CYP7B1: variants seen among roughly 807,000 people sequenced by gnomAD.
CYP7B1 encodes the protein cytochrome P450 family 7 subfamily B member 1, also known as cytochrome P450 7B1.
Under a neutral mutation model 42.7 loss-of-function variants are expected in CYP7B1, and 29 were observed. That is an observed-to-expected ratio of 0.68 (90% CI 0.51 to 0.93). The LOEUF is 0.93. CYP7B1 is among the 40% of genes least tolerant of loss of function. The probability of loss-of-function intolerance (pLI) is 0.00; values close to 1 mark genes in which losing one functional copy is unlikely to be tolerated. For missense variants in CYP7B1, 655 were observed against 600.5 expected, an observed-to-expected ratio of 1.09 and a Z score of -0.95; for synonymous variants, 235 against 218.2, an observed-to-expected ratio of 1.08 and a Z score of -0.68.
downstream of CYP7B1, among the ~76,000 whole-genome samples, chr8:64,588,370 T>A (rs1804995760): frequency 1.3e-5 from 2 of 152,246 alleles, no homozygotes; most frequent in Non-Finnish European, 2.9e-5. Context: ...TTTCTCCGTA[T>A]AAGTTTTAGA....
At chr8:64,719,975 C>A (rs540776491) in intron 1 of CYP7B1, among the ~76,000 whole-genome samples, 3 of 152,246 alleles carry the variant, frequency 2.0e-5, no homozygotes, top group Admixed American at 1.3e-4. Context: ...GGAATTCAAC[C>A]CTTATTGAGC....
chr8:64,734,158 C>T (rs1807453425), intron 1 of CYP7B1, among the ~76,000 whole-genome samples: 1 of 152,102 alleles, frequency 6.6e-6, no homozygotes, highest in Non-Finnish European at 1.5e-5. Context: ...CAAATAATAA[C>T]ACATTCAATT....
intron 1 of CYP7B1, among the ~76,000 whole-genome samples, chr8:64,673,942 C>T (rs537617454): frequency 1.3e-5 from 2 of 152,060 alleles, no homozygotes; most frequent in Non-Finnish European, 2.9e-5. Flanking sequence ...ATCTGATATC[C>T]ACCTAAATCT....
At chr8:64,706,171 T>C (rs952950527) in intron 1 of CYP7B1, among the ~76,000 whole-genome samples, 10 of 152,006 alleles carry the variant, frequency 6.6e-5, no homozygotes, top group Admixed American at 3.3e-4. Context: ...ACATAGTTGG[T>C]AGAATTGACT....
chr8:64,614,908 GTGT>G, intron 4 of CYP7B1, 115 bp downstream of exon 4: 2 of 873,710 alleles, frequency 2.3e-6, no homozygotes, highest in Non-Finnish European at 3.8e-6. Flanking sequence ...ATGTAAATGG[GTGT>G]TATTATGTCA....
intron 1 of CYP7B1, among the ~76,000 whole-genome samples, chr8:64,788,427 T>G (rs1026128651): frequency 6.6e-6 from 1 of 152,220 alleles, no homozygotes; most frequent in South Asian, 2.1e-4. Context: ...CAGGTCTGCA[T>G]GGGTGTTCTC....
intron 2 of CYP7B1, among the ~76,000 whole-genome samples, chr8:64,620,853 T>C (rs1172114441): frequency 6.6e-6 from 1 of 152,214 alleles, no homozygotes; most frequent in Admixed American, 6.5e-5. Flanking sequence ...TGTTAGAAAT[T>C]CAGCAAGCTT....
At chr8:64,604,654 A>G (rs1468616063) in intron 5 of CYP7B1, 28 bp downstream of exon 5, 1 of 1,613,270 alleles carries the variant, frequency 6.2e-7, no homozygotes, top group Admixed American at 1.7e-5. Context: ...TCTAAGAAGT[A>G]GCAATCATAG....
In CYP7B1 at chr8:64,634,880, A is replaced by G. The variant is rs529242522; in HGVS notation, c.123-10341T>C. Among the ~76,000 whole-genome samples the G allele has an allele frequency of 3.2e-4, 49 of 152,300 alleles. No homozygotes were observed. The South Asian group carries it at 9.9e-3, about 31-fold the overall frequency. ...TATGGACACACAGTGCAACCTAAGGATACCCCATTACTTTCACCAGTGTCC... is the reference window on the plus strand; with the variant it reads ...TATGGACACACAGTGCAACCTAAGGGTACCCCATTACTTTCACCAGTGTCC... On this transcript the variant is annotated intron_variant, in intron 1 of 5. Coordinates refer to ENST00000310193, the MANE Select transcript of CYP7B1 (RefSeq NM_004820.5).
intron 1 of CYP7B1, among the ~76,000 whole-genome samples, chr8:64,648,909 T>C (rs1242957558): frequency 6.6e-6 from 1 of 152,216 alleles, no homozygotes; most frequent in African/African-American, 2.4e-5. Flanking sequence ...ATATGAATGA[T>C]ACCTTGTCAT....
intron 1 of CYP7B1, among the ~76,000 whole-genome samples, chr8:64,645,890 G>A (rs528581048): frequency 2.6e-5 from 4 of 152,122 alleles, no homozygotes; most frequent in South Asian, 4.2e-4. Flanking sequence ...CAGAAATAAC[G>A]CTGCATATCT....
intron 1 of CYP7B1, among the ~76,000 whole-genome samples, chr8:64,626,444 A>G (rs1238082495): frequency 6.6e-6 from 1 of 152,190 alleles, no homozygotes; most frequent in East Asian, 1.9e-4. Flanking sequence ...ATAATCTTAA[A>G]TTGAGAACTA....
chr8:64,644,282 A>AG (rs1418540810), intron 1 of CYP7B1, among the ~76,000 whole-genome samples: 1 of 151,972 alleles, frequency 6.6e-6, no homozygotes, highest in African/African-American at 2.4e-5. Flanking sequence ...AAAAAAAAAA[A>AG]AAAAAGAATG....
At position 64,598,458 on chromosome 8, in the gene CYP7B1, T is replaced by C. The variant is rs8192905; in HGVS notation, c.1234-1529A>G. ...CCAATCTGAGGAGACTGGTCCTCTA[T>C]CTACCTAACCCAAATCAGTCTAAGT... On this transcript the variant is annotated intron_variant, in intron 5 of 5. Transcript: ENST00000310193. Among the ~76,000 whole-genome samples, 9 of 152,208 alleles carry C rather than the reference T, an allele frequency of 5.9e-5. No homozygotes were observed. The East Asian group carries it at 1.7e-3, about 29-fold the overall frequency.
In CYP7B1 at chr8:64,595,057, TC is replaced by T. The variant is rs1271886656; in HGVS notation, c.*1584del. On this transcript the variant is annotated 3_prime_UTR_variant, in exon 6 of 6. Transcript: ENST00000310193. The stretch of plus-strand genomic sequence containing the variant: ...GAGTAATTAAACTCACTAACGGCTA[TC>T]CGCCCAATAACAACAATGGATACCT... Among the ~76,000 whole-genome samples, 1 of 152,206 alleles carries T rather than the reference TC, an allele frequency of 6.6e-6. No homozygotes were observed. Among genetic ancestry groups the T allele is most frequent in the African/African-American group, 2.4e-5 (1 of 41,456 alleles).
intron 1 of CYP7B1, among the ~76,000 whole-genome samples, chr8:64,654,860 T>C (rs375766271): frequency 6.6e-6 from 1 of 152,012 alleles, no homozygotes; most frequent in African/African-American, 2.4e-5. Context: ...AGTCTAGAAA[T>C]AAGGCCGCAC....
chr8:64,756,167 T>C (rs746362394), intron 1 of CYP7B1, among the ~76,000 whole-genome samples: 2 of 152,192 alleles, frequency 1.3e-5, no homozygotes, highest in African/African-American at 2.4e-5. Context: ...TTTTCCCTCA[T>C]TTCCCCCCCT....
chr8:64,726,941 G>C (rs1807333707), intron 1 of CYP7B1, among the ~76,000 whole-genome samples: 1 of 152,158 alleles, frequency 6.6e-6, no homozygotes, highest in Admixed American at 6.5e-5. Flanking sequence ...AAAGTGGGAA[G>C]TGCCTGAGGG....
chr8:64,611,105 C>T (rs543235711), intron 4 of CYP7B1, among the ~76,000 whole-genome samples: 1 of 152,246 alleles, frequency 6.6e-6, no homozygotes, highest in African/African-American at 2.4e-5. Context: ...TCCACATGCA[C>T]ATCATGCCTG....
Sources: allele counts gnomAD v4.1 joint callset (sites outside exome capture counted in the v4.1 genomes callset), GRCh38; gene constraint gnomAD v4.1.1; transcripts MANE v1.5; gene names NCBI Gene and HGNC (gene_info 2026-07-23, HGNC 2026-07-21).